The following ZNF143 variants were observed in gnomAD, a reference collection of about 807,000 sequenced individuals.
ZNF143 encodes zinc finger protein 143.
In ZNF143, 49 loss-of-function variants were observed where a neutral mutation model predicts 74.1. The ratio of observed to expected loss-of-function variants is 0.66; its 90% CI spans 0.53 to 0.84. The LOEUF (loss-of-function observed/expected upper bound fraction) is 0.84. Ranked by LOEUF, ZNF143 falls within the 40% of genes least tolerant of loss-of-function variation. ZNF143 has a pLI of 0.00. For missense variants in ZNF143, 637 were observed against 793.4 expected, an observed-to-expected ratio of 0.80 and a Z score of 2.37; for synonymous variants, 304 against 282.8, an observed-to-expected ratio of 1.07 and a Z score of -0.75.
At chr11:9,519,551 C>A (rs1231574580) in intron 14 of ZNF143, among the ~76,000 whole-genome samples, 1 of 152,152 alleles carries the variant, frequency 6.6e-6, no homozygotes, top group Non-Finnish European at 1.5e-5. Flanking sequence ...ACATTGTTGG[C>A]ATGTAATAAC....
At chr11:9,486,445 T>TATAA (rs374989379) in intron 7 of ZNF143, among the ~76,000 whole-genome samples, 2 of 35,468 alleles carry the variant, frequency 5.6e-5, no homozygotes, top group African/African-American at 1.5e-4. Context: ...ATATAATATA[T>TATAA]TATATATATT....
chr11:9,476,602 C>T (rs1302913598), intron 5 of ZNF143, among the ~76,000 whole-genome samples: 2 of 151,878 alleles, frequency 1.3e-5, no homozygotes, highest in Non-Finnish European at 2.9e-5. Context: ...AAACTCCTGA[C>T]CTCAGGTGAT....
At position 9,512,564 on chromosome 11, in the gene ZNF143, G is replaced by A; in HGVS notation, c.1492G>A (p.Val498Ile). The A allele has an allele frequency of 1.2e-6, 2 of 1,614,202 alleles. No individual in the cohort carries two copies. The highest frequency in any genetic ancestry group is 1.7e-6 in the Non-Finnish European group (2 of 1,180,042). Residue 498 changes from valine (V) to isoleucine (I), a missense_variant, in exon 13 of 16, where the codon GTT (valine) becomes ATT (isoleucine). By Grantham distance (29) the Val-to-Ile change is conservative. Transcript: ENST00000396602. ...AACCCAATCTGGACTGAGTCAACAAGTTACACTCATATCCCAGGATGGGAC... is the reference window on the plus strand; with the variant it reads ...AACCCAATCTGGACTGAGTCAACAAATTACACTCATATCCCAGGATGGGAC... ...TVTQSGLSQQ[V>I]TLISQDGTQH... is the part of the protein sequence containing the mutation.
chr11:9,506,053 C>T (rs1297536420), intron 11 of ZNF143, among the ~76,000 whole-genome samples: 1 of 151,672 alleles, frequency 6.6e-6, no homozygotes, highest in Admixed American at 6.6e-5. Context: ...TAGAGCTTGG[C>T]GCAGTAGTAG....
intron 3 of ZNF143, 62 bp downstream of exon 3, chr11:9,472,831 C>T: frequency 7.9e-7 from 1 of 1,260,272 alleles, no homozygotes; most frequent in Non-Finnish European, 1.1e-6. Flanking sequence ...TGAGTTGGAG[C>T]ACCTAGAAGC....
chr11:9,484,861 G>A (rs1326161011), intron 7 of ZNF143, among the ~76,000 whole-genome samples: 3 of 137,252 alleles, frequency 2.2e-5, no homozygotes, highest in Non-Finnish European at 4.6e-5. Context: ...GCAGTGGCGC[G>A]ATCTTGGCTC....
chr11:9,497,074 C>G (rs1442526434), intron 9 of ZNF143, among the ~76,000 whole-genome samples: 1 of 152,222 alleles, frequency 6.6e-6, no homozygotes, highest in Non-Finnish European at 1.5e-5. Flanking sequence ...GACTTCCATT[C>G]TTCATTCCAT....
chr11:9,485,532 G>A (rs1379549791), intron 7 of ZNF143, among the ~76,000 whole-genome samples: 2 of 151,142 alleles, frequency 1.3e-5, no homozygotes, highest in African/African-American at 2.5e-5. Flanking sequence ...ATTTTTAGTA[G>A]AGACAAGGTT....
chr11:9,472,371 G>T (rs1363963034), intron 2 of ZNF143, among the ~76,000 whole-genome samples: 1 of 152,126 alleles, frequency 6.6e-6, no homozygotes, highest in African/African-American at 2.4e-5. Context: ...TTCTGCCTCA[G>T]CCTCCCAAGT....
At chr11:9,502,188 G>A (rs191229618) in intron 11 of ZNF143, among the ~76,000 whole-genome samples, 4 of 146,584 alleles carry the variant, frequency 2.7e-5, no homozygotes, top group Non-Finnish European at 4.5e-5. Context: ...TGCCCGCCTC[G>A]GCCTCTCAAA....
At chr11:9,463,550 T>A (rs1856001257) in intron 1 of ZNF143, among the ~76,000 whole-genome samples, 1 of 152,246 alleles carries the variant, frequency 6.6e-6, no homozygotes, top group African/African-American at 2.4e-5. Context: ...GCATTTTTTC[T>A]GTGCCTAACG....
intron 1 of ZNF143, among the ~76,000 whole-genome samples, chr11:9,466,591 C>T (rs557099305): frequency 1.7e-4 from 26 of 152,052 alleles, no homozygotes; most frequent in African/African-American, 5.8e-4. Context: ...CCACCACTCC[C>T]GGCATAATTT....
intron 11 of ZNF143, among the ~76,000 whole-genome samples, chr11:9,503,682 G>A (rs546114492): frequency 1.4e-5 from 2 of 143,792 alleles, no homozygotes; most frequent in African/African-American, 5.2e-5. Context: ...GCTCTGTCTC[G>A]CCCAGGCTGG....
At chr11:9,491,182 T>G (rs1381986240) in intron 7 of ZNF143, among the ~76,000 whole-genome samples, 1 of 152,030 alleles carries the variant, frequency 6.6e-6, no homozygotes, top group Non-Finnish European at 1.5e-5. Flanking sequence ...CCCAAGAACT[T>G]GAGTCTAGTG....
chr11:9,465,920 G>T (rs1856183733), intron 1 of ZNF143, among the ~76,000 whole-genome samples: 1 of 151,622 alleles, frequency 6.6e-6, no homozygotes, highest in Admixed American at 6.6e-5. Context: ...TACCTCCCAG[G>T]CCCAAGTGAT....
chr11:9,486,352 T>A (rs535432614), intron 7 of ZNF143, among the ~76,000 whole-genome samples: 10 of 59,220 alleles, frequency 1.7e-4, no homozygotes, highest in Admixed American at 2.8e-4. Flanking sequence ...TATATATATA[T>A]TATATATATA....
At chr11:9,485,013 G>T (rs965708880) in intron 7 of ZNF143, among the ~76,000 whole-genome samples, 3 of 147,718 alleles carry the variant, frequency 2.0e-5, no homozygotes, top group Admixed American at 6.8e-5. Context: ...TAGCCAGGAT[G>T]GTCTCCATCT....
intron 11 of ZNF143, among the ~76,000 whole-genome samples, chr11:9,506,391 A>G (rs899319347): frequency 2.0e-5 from 3 of 152,260 alleles, no homozygotes; most frequent in Non-Finnish European, 2.9e-5. Context: ...TAGCCATTCA[A>G]CACATTTTAT....
intron 15 of ZNF143, 129 bp downstream of exon 15, chr11:9,525,515 C>G: frequency 8.0e-7 from 1 of 1,250,096 alleles, no homozygotes. Context: ...ACCTAGCCTA[C>G]TTTAAGGAAA....
Sources: allele counts gnomAD v4.1 joint callset (sites outside exome capture counted in the v4.1 genomes callset), GRCh38; gene constraint gnomAD v4.1.1; transcripts MANE v1.5; gene names NCBI Gene and HGNC (gene_info 2026-07-23, HGNC 2026-07-21).